PCDHGA5: variants seen among roughly 807,000 people sequenced by gnomAD.
The protein encoded by PCDHGA5 is protocadherin gamma-A5.
PCDHGA5 carries 36 observed loss-of-function variants against 56.7 expected under a neutral mutation model. The observed-to-expected ratio is 0.64, with a 90% CI of 0.49 to 0.84. The LOEUF (loss-of-function observed/expected upper bound fraction) is 0.84. Among genes scored for constraint, PCDHGA5 ranks in the 40% least tolerant of loss-of-function variants. PCDHGA5 has a pLI of 0.00. For missense variants in PCDHGA5, 1,305 were observed against 1,201.5 expected (o/e 1.09, Z -1.27); for synonymous variants, 563 against 520.2 (o/e 1.08, Z -1.12).
chr5:141,467,756 T>A (rs1312303182), intron 1 of PCDHGA5, among the ~76,000 whole-genome samples: 5 of 151,988 alleles, frequency 3.3e-5, no homozygotes, highest in African/African-American at 1.2e-4. Flanking sequence ...CCGCCTCACA[T>A]GCTCAAGTGC....
chr5:141,399,092 G>C (rs573118488), intron 1 of PCDHGA5: 1 of 1,613,810 alleles, frequency 6.2e-7, no homozygotes, highest in East Asian at 2.2e-5. Context: ...GATGGTGGTG[G>C]ACTGGTTGCA....
intron 1 of PCDHGA5, chr5:141,441,477 C>T (rs529495102): frequency 1.2e-4 from 20 of 170,782 alleles, no homozygotes; most frequent in Middle Eastern, 5.7e-4. Context: ...ATGCCAACGA[C>T]AATGCTCTGG....
intron 1 of PCDHGA5, chr5:141,417,544 C>A: frequency 3.2e-6 from 1 of 308,860 alleles, no homozygotes; most frequent in Non-Finnish European, 5.9e-6. Context: ...AAAAAAATTC[C>A]TTGAAAGAGG....
chr5:141,371,825 G>A (rs1239561889), intron 1 of PCDHGA5: 1 of 1,613,792 alleles, frequency 6.2e-7, no homozygotes, highest in Non-Finnish European at 8.5e-7. Context: ...TCAGAGCCTC[G>A]GATCCCGACT....
Position 141,366,619 on chromosome 5 carries a change from G to C in PCDHGA5, c.2289G>C (p.Ser763=). The C allele has an allele frequency of 6.2e-7, 1 of 1,614,222 alleles. No individual in the cohort carries two copies. The highest frequency in any genetic ancestry group is 8.5e-7 in the Non-Finnish European group (1 of 1,180,042). Residue 763 remains serine, a synonymous_variant, in exon 1 of 4, where the codon TCG becomes TCC. Transcript: ENST00000518069. ...YSHEVSLTAD[S]RKSHLIFPQP... Reference sequence around the variant, plus strand: ...ACGAGGTCTCCCTCACCGCGGACTCGAGGAAGAGTCACCTGATCTTTCCCC... The same window carrying C: ...ACGAGGTCTCCCTCACCGCGGACTCCAGGAAGAGTCACCTGATCTTTCCCC...
In PCDHGA5 at chr5:141,432,921, A is replaced by G; in HGVS notation, c.2422-61886A>G. On this transcript the variant is annotated intron_variant, in intron 1 of 3. Transcript: ENST00000518069. The surrounding 1 kb of genome is among the most constrained non-coding windows in gnomAD (Gnocchi z 6.0). ...GCGCTCAGGCTGCGGCGCTGGCACAAGTCACGCCTGCTGCAGGCTTCAGGA... is the reference window on the plus strand; with the variant it reads ...GCGCTCAGGCTGCGGCGCTGGCACAGGTCACGCCTGCTGCAGGCTTCAGGA... 6.2e-7 allele frequency: 1 copy of G among 1,614,114 alleles called. No individual in the cohort carries two copies. The highest frequency in any genetic ancestry group is 1.7e-4 in the Middle Eastern group (1 of 6,060).
At chr5:141,382,121 C>T (rs1437558526) in intron 1 of PCDHGA5, among the ~76,000 whole-genome samples, 1 of 152,068 alleles carries the variant, frequency 6.6e-6, no homozygotes, top group African/African-American at 2.4e-5. Flanking sequence ...AGCAACAGCA[C>T]CTGGCCCCCC....
chr5:141,370,734 T>G (rs1056339551), intron 1 of PCDHGA5: 2 of 1,613,896 alleles, frequency 1.2e-6, no homozygotes, highest in Non-Finnish European at 1.7e-6. Context: ...TGAAAAGCCT[T>G]TAAACTTTTT....
chr5:141,370,785 C>T, intron 1 of PCDHGA5: 1 of 1,614,018 alleles, frequency 6.2e-7, no homozygotes, highest in Non-Finnish European at 8.5e-7. Flanking sequence ...CGACAACCCA[C>T]CGACCTTTAG....
In PCDHGA5 at chr5:141,509,341, G is replaced by C. The variant is rs552337350; in HGVS notation, c.2570-1606G>C. Among the ~76,000 whole-genome samples, 4 of 152,290 alleles carry C rather than the reference G, an allele frequency of 2.6e-5. No homozygotes were observed. The East Asian group carries it at 7.7e-4, about 29-fold the overall frequency. On this transcript the variant is annotated intron_variant, in intron 3 of 3. Transcript: ENST00000518069. ...GAAGCTCTACTGCCAGCTGGGCCTG[G>C]GCTGGCCTGGGCATCCCTGAGGTTT...
rs146574799 is a variant in PCDHGA5, at chr5:141,487,337, G to A, written c.2422-7470G>A. The A allele has an allele frequency of 1.4e-5, 23 of 1,614,054 alleles. No individual in the cohort carries two copies. The highest frequency in any genetic ancestry group is 3.3e-5 in the Admixed American group (2 of 60,002). The stretch of plus-strand genomic sequence containing the variant: ...TAAGTGTCTTCGTGGGGCAGCCTGT[G>A]GAGTCACATGCTTTCCTGCTGGCAC... On this transcript the variant is annotated intron_variant, in intron 1 of 3. Coordinates refer to ENST00000518069, the MANE Select transcript of PCDHGA5 (RefSeq NM_018918.3). The surrounding 1 kb of genome is among the most constrained non-coding windows in gnomAD (Gnocchi z 5.0).
rs1344998245 is a variant in PCDHGA5 at position 141,400,678 on chromosome 5, T to C, written c.2421+33927T>C. 7.9e-6 allele frequency: 7 copies of C among 881,884 alleles called. No homozygotes were observed. The East Asian group carries it at 1.5e-4, about 19-fold the overall frequency. The allele number at this position is 881,884 out of a possible 1,614,324, so 54.6% of individuals were successfully genotyped here. On this transcript the variant is annotated intron_variant, in intron 1 of 3. Coordinates refer to ENST00000518069, the MANE Select transcript of PCDHGA5 (RefSeq NM_018918.3). ...ACCATTCTTTAAGAGGAGCAGTAAA[T>C]TGTGAGTTTTTATGTCGCATAAAAG...
At position 141,489,193 on chromosome 5, in the gene PCDHGA5, G is replaced by A; in HGVS notation, c.2422-5614G>A. The A allele has an allele frequency of 2.2e-6, 3 of 1,369,230 alleles. No individual in the cohort carries two copies. Among genetic ancestry groups the A allele is most frequent in the Non-Finnish European group, 3.0e-6 (3 of 1,000,290 alleles). 84.8% of individuals were successfully genotyped at this position (1,369,230 alleles called of 1,614,324 possible). On this transcript the variant is annotated intron_variant, in intron 1 of 3. Coordinates refer to ENST00000518069, the MANE Select transcript of PCDHGA5 (RefSeq NM_018918.3). The surrounding 1 kb of genome is among the most constrained non-coding windows in gnomAD (Gnocchi z 4.5). ...GCATTCCAAGCCCTGGGTCTACCTT[G>A]GAGACAGGACAGCACAGACTTACTC...
chr5:141,400,501 G>A lies in PCDHGA5; in HGVS notation c.2421+33750G>A, dbSNP rs574905149. 3.4e-5 allele frequency: 55 copies of A among 1,613,996 alleles called. 1 individual carries two copies. The East Asian group carries it at 1.1e-3, about 33-fold the overall frequency. On this transcript the variant is annotated intron_variant, in intron 1 of 3. Coordinates refer to ENST00000518069, the MANE Select transcript of PCDHGA5 (RefSeq NM_018918.3). ...CTTATTTCCACTTTGTAATTCCAGC[G>A]AGTCGACTTCCCATCCTGAGTTGGT... is the stretch of plus-strand genomic sequence containing the variant.
rs181587578 is a variant in PCDHGA5, at chr5:141,366,566, G to T, written c.2236G>T (p.Val746Phe). 1.9e-6 allele frequency: 3 copies of T among 1,614,254 alleles called. No homozygotes were observed. The East Asian group carries it at 6.7e-5, about 36-fold the overall frequency. ...CTCGCACTTTGTGGGCGTGGATGGG[G>T]TTCGGGCTTTCCTGCAGACCTATTC... ...PASHFVGVDG[V>F]RAFLQTYSHE... The change falls in exon 1 of 4, where the codon GTT (valine) becomes TTT (phenylalanine). Residue 746 changes from valine (V) to phenylalanine (F), a missense_variant. Val to Phe is a conservative substitution (Grantham distance 50). Coordinates refer to ENST00000518069, the MANE Select transcript of PCDHGA5 (RefSeq NM_018918.3).
chr5:141,415,029 G>A (rs777967290), intron 1 of PCDHGA5: 4 of 1,613,436 alleles, frequency 2.5e-6, no homozygotes, highest in Non-Finnish European at 3.4e-6. Flanking sequence ...CCAGCGAGCC[G>A]GGACTCTTCG....
chr5:141,371,551 T>A (rs1561551438), intron 1 of PCDHGA5: 1 of 1,613,704 alleles, frequency 6.2e-7, no homozygotes, highest in Non-Finnish European at 8.5e-7. Context: ...CTATGCCAAC[T>A]AAAAGGAAAC....
chr5:141,436,087 T>C (rs927404291), intron 1 of PCDHGA5, among the ~76,000 whole-genome samples: 1 of 152,198 alleles, frequency 6.6e-6, no homozygotes, highest in Non-Finnish European at 1.5e-5. Flanking sequence ...CTATAGGTAA[T>C]ATTGAGAGAA....
At chr5:141,464,400 G>GAGATATATATATATCTATATATAT (rs2099082782) in intron 1 of PCDHGA5, among the ~76,000 whole-genome samples, 3 of 151,366 alleles carry the variant, frequency 2.0e-5, no homozygotes, top group African/African-American at 4.9e-5. Context: ...TGAAGAACCT[G>GAGATATATATATATCTATATATAT]AGATATATAT....
Sources: gnomAD v4.1 joint callset for allele counts (sites outside exome capture counted in the v4.1 genomes callset) on GRCh38, gnomAD v4.1.1 for gene constraint, Gnocchi (gnomAD v3.1) non-coding constraint, MANE v1.5 for transcripts, NCBI Gene and HGNC (gene_info 2026-07-23, HGNC 2026-07-21) for gene names.